Variants in TBC1D15 observed in about 807,000 individuals in gnomAD.
TBC1D15 encodes TBC1 domain family member 15, also known as GAP for RAB7.
Under a neutral mutation model 95.4 loss-of-function variants are expected in TBC1D15, and 39 were observed. The ratio of observed to expected loss-of-function variants is 0.41; its 90% CI spans 0.32 to 0.53. The LOEUF (loss-of-function observed/expected upper bound fraction) is 0.53, where lower values mean the gene tolerates loss of function less well. TBC1D15 is among the 20% of genes least tolerant of loss of function. The probability of loss-of-function intolerance (pLI) is 0.29; values close to 1 mark genes in which losing one functional copy is unlikely to be tolerated. For synonymous variants in TBC1D15, 258 were observed against 261.3 expected (o/e 0.99, Z 0.12); for missense variants, 733 against 794.3 (o/e 0.92, Z 0.93).
intron 1 of TBC1D15, chr12:71,841,300 C>G (rs1884936978): frequency 6.6e-6 from 1 of 152,194 alleles, no homozygotes; most frequent in Non-Finnish European, 1.5e-5. Flanking sequence ...ACATTTTTCA[C>G]TCTTTGCAGC....
intron 7 of TBC1D15, among the ~76,000 whole-genome samples, 194 bp downstream of exon 7, chr12:71,895,077 C>A (rs1382811571): frequency 6.6e-6 from 1 of 151,952 alleles, no homozygotes; most frequent in Admixed American, 6.6e-5. Context: ...TATACTCTTT[C>A]TTGATTAATG....
At position 71,923,300 on chromosome 12, in the gene TBC1D15, T is replaced by C. The variant is rs1009856350; in HGVS notation, c.*96T>C. ...TTTGAAATCTTGGTATTGATCATGC[T>C]TTAAGGTTTATGTAAAGAAAGTGTA... is the stretch of plus-strand genomic sequence containing the variant. On this transcript the variant is annotated 3_prime_UTR_variant, in exon 17 of 17. Coordinates refer to ENST00000485960, the MANE Select transcript of TBC1D15 (RefSeq NM_001146213.3). 6.3e-6 allele frequency: 7 copies of C among 1,115,694 alleles called. No homozygotes were observed. The African/African-American group carries it at 9.3e-5, about 15-fold the overall frequency. 69.1% of individuals were successfully genotyped at this position (1,115,694 alleles called of 1,614,324 possible).
At chr12:71,901,971 GGATGT>G in intron 10 of TBC1D15, among the ~76,000 whole-genome samples, 1 of 152,242 alleles carries the variant, frequency 6.6e-6, no homozygotes, top group Non-Finnish European at 1.5e-5. Flanking sequence ...GCCAAATGAA[GGATGT>G]GATCCCATTC....
intron 4 of TBC1D15, among the ~76,000 whole-genome samples, chr12:71,883,071 A>G (rs891251044): frequency 2.6e-5 from 4 of 152,048 alleles, no homozygotes; most frequent in Non-Finnish European, 4.4e-5. Context: ...TACTCTGTGC[A>G]ACGAAGAATT....
chr12:71,896,344 G>A lies in TBC1D15; in HGVS notation c.984+269G>A, dbSNP rs1363083288. On this transcript the variant is annotated intron_variant, in intron 8 of 16. Transcript: ENST00000485960. ...GGGGAAGAATTCTTCCGTACTTGAAGTTCTGTGGGTTTTGTGAAGGAGGCC... is the reference window on the plus strand; with the variant it reads ...GGGGAAGAATTCTTCCGTACTTGAAATTCTGTGGGTTTTGTGAAGGAGGCC... 10 of 425,852 alleles carry A rather than the reference G, an allele frequency of 2.3e-5. No homozygotes were observed. In the East Asian group the frequency reaches 3.9e-4, roughly 17 times the overall value. 26.4% of individuals were successfully genotyped at this position (425,852 alleles called of 1,614,324 possible).
At chr12:71,868,803 A>G (rs1039781727) in intron 1 of TBC1D15, 2 of 152,164 alleles carry the variant, frequency 1.3e-5, no homozygotes, top group South Asian at 2.1e-4. Flanking sequence ...TGCATTGTTA[A>G]TGATAGCAAG....
intron 1 of TBC1D15, among the ~76,000 whole-genome samples, chr12:71,869,733 C>A (rs1892263562): frequency 6.6e-6 from 1 of 152,000 alleles, no homozygotes; most frequent in South Asian, 2.1e-4. Context: ...TAAGGGATTT[C>A]TTTTCCATTT....
chr12:71,912,880 C>T (rs1902747019), intron 11 of TBC1D15, among the ~76,000 whole-genome samples: 1 of 151,820 alleles, frequency 6.6e-6, no homozygotes, highest in Non-Finnish European at 1.5e-5. Context: ...AGTTCGTGTC[C>T]CTTCATTGGT....
At chr12:71,908,230 C>A (rs774912002) in intron 11 of TBC1D15, among the ~76,000 whole-genome samples, 32 of 151,976 alleles carry the variant, frequency 2.1e-4, no homozygotes, top group Non-Finnish European at 3.4e-4. Flanking sequence ...GGGGGAGGGA[C>A]GCTAAGGGGT....
chr12:71,895,865 T>G (rs1361555867), intron 7 of TBC1D15, 82 bp from the exon 8 acceptor site: 1 of 1,323,564 alleles, frequency 7.6e-7, no homozygotes, highest in African/African-American at 1.5e-5. Flanking sequence ...TGAAAAACAG[T>G]ATTTTAAATT....
intron 10 of TBC1D15, among the ~76,000 whole-genome samples, chr12:71,903,699 G>A (rs368766648): frequency 4.6e-5 from 7 of 152,126 alleles, no homozygotes; most frequent in Non-Finnish European, 1.0e-4. Flanking sequence ...TAAAGAGATC[G>A]TAGCCTTTGC....
At chr12:71,855,517 A>G (rs1481358645) in intron 1 of TBC1D15, among the ~76,000 whole-genome samples, 1 of 151,860 alleles carries the variant, frequency 6.6e-6, no homozygotes, top group African/African-American at 2.4e-5. Context: ...AATACAAAAA[A>G]ATTAGCCAGG....
intron 4 of TBC1D15, among the ~76,000 whole-genome samples, chr12:71,884,548 A>T (rs1057307552): frequency 1.3e-5 from 2 of 152,124 alleles, no homozygotes; most frequent in Admixed American, 6.6e-5. Context: ...CAAAGCCATG[A>T]TCAGTTTTTT....
intron 1 of TBC1D15, among the ~76,000 whole-genome samples, chr12:71,862,147 A>G (rs1890521187): frequency 6.6e-6 from 1 of 152,120 alleles, no homozygotes; most frequent in Non-Finnish European, 1.5e-5. Flanking sequence ...AGAGTGTATT[A>G]TGCAGCTGTT....
intron 15 of TBC1D15, 31 bp from the exon 16 acceptor site, chr12:71,921,337 G>C: frequency 7.7e-7 from 1 of 1,300,942 alleles, no homozygotes; most frequent in Non-Finnish European, 1.1e-6. Flanking sequence ...ATTCAGTTTC[G>C]ATATCATTTT....
chr12:71,862,831 T>G (rs193093179), intron 1 of TBC1D15, among the ~76,000 whole-genome samples: 52 of 152,368 alleles, frequency 3.4e-4, no homozygotes, highest in Admixed American at 6.5e-4. Flanking sequence ...TTTATACTTT[T>G]GTATGTTTTC....
intron 1 of TBC1D15, 88 bp from the exon 2 acceptor site, chr12:71,871,982 A>G (rs1020963055): frequency 1.9e-6 from 1 of 522,066 alleles, no homozygotes; most frequent in African/African-American, 2.0e-5. Context: ...TTGGCCAAGT[A>G]TGATAAGAAA....
At chr12:71,898,954 A>G (rs1898763232) in intron 10 of TBC1D15, among the ~76,000 whole-genome samples, 2 of 152,174 alleles carry the variant, frequency 1.3e-5, no homozygotes, top group South Asian at 2.1e-4. Context: ...GATTAAGGCG[A>G]AAGTTTGGGA....
At chr12:71,848,569 T>C (rs374027643) in intron 1 of TBC1D15, among the ~76,000 whole-genome samples, 3 of 152,214 alleles carry the variant, frequency 2.0e-5, no homozygotes, top group Middle Eastern at 3.2e-3. Context: ...AGTGTTCTTT[T>C]TATGTCCTGG....
Sources: allele counts gnomAD v4.1 joint callset (sites outside exome capture counted in the v4.1 genomes callset), GRCh38; gene constraint gnomAD v4.1.1; transcripts MANE v1.5; gene names NCBI Gene and HGNC (gene_info 2026-07-23, HGNC 2026-07-21).